Variants in ASCC3 observed in about 807,000 individuals in gnomAD.
ASCC3 encodes the protein activating signal cointegrator 1 complex subunit 3.
A neutral mutation model predicts 256.3 loss-of-function variants in ASCC3; 158 were observed. That is an observed-to-expected ratio of 0.62 (90% CI 0.54 to 0.70). The LOEUF (loss-of-function observed/expected upper bound fraction) is 0.70. Among genes scored for constraint, ASCC3 ranks in the 30% least tolerant of loss-of-function variants. The pLI, the probability that ASCC3 is intolerant of heterozygous loss-of-function variation, is 0.00. For missense variants in ASCC3, 2,259 were observed against 2,626.0 expected (o/e 0.86, Z 3.05); for synonymous variants, 948 against 883.4 (o/e 1.07, Z -1.30).
At chr6:100,568,193 C>A (rs890569944) in intron 36 of ASCC3, among the ~76,000 whole-genome samples, 13 of 151,958 alleles carry the variant, frequency 8.6e-5, no homozygotes, top group Admixed American at 3.3e-4. Flanking sequence ...CATGGTGAAA[C>A]CCCATCTCAA....
At chr6:100,618,120 T>C (rs1047317203) in intron 30 of ASCC3, among the ~76,000 whole-genome samples, 2 of 152,210 alleles carry the variant, frequency 1.3e-5, no homozygotes, top group African/African-American at 4.8e-5. Context: ...AGGACTGCTA[T>C]TTTTATGGAT....
chr6:100,720,529 G>A (rs539344862), intron 11 of ASCC3, among the ~76,000 whole-genome samples: 44 of 151,898 alleles, frequency 2.9e-4, no homozygotes, highest in Admixed American at 1.1e-3. Context: ...GATTAGTTTC[G>A]TTTTTGAAAG....
intron 5 of ASCC3, among the ~76,000 whole-genome samples, chr6:100,803,765 C>G (rs151053452): frequency 6.6e-6 from 1 of 152,200 alleles, no homozygotes; most frequent in East Asian, 1.9e-4. Flanking sequence ...GAAAATCTGT[C>G]AGAAATTTTA....
chr6:100,778,308 A>C (rs1025674870), intron 8 of ASCC3, among the ~76,000 whole-genome samples: 2 of 152,158 alleles, frequency 1.3e-5, no homozygotes, highest in Admixed American at 1.3e-4. Context: ...ATTTTTAAAA[A>C]TTAATTTTCA....
intron 36 of ASCC3, among the ~76,000 whole-genome samples, chr6:100,578,630 G>A (rs1771012210): frequency 6.6e-6 from 1 of 152,000 alleles, no homozygotes; most frequent in Non-Finnish European, 1.5e-5. Flanking sequence ...GTTTTCCATG[G>A]TGTATATGTA....
intron 37 of ASCC3, among the ~76,000 whole-genome samples, chr6:100,534,481 C>T (rs935274285): frequency 6.6e-6 from 1 of 152,182 alleles, no homozygotes; most frequent in African/African-American, 2.4e-5. Flanking sequence ...ATATCACTTA[C>T]TACATTTTAC....
chr6:100,736,120 C>T (rs1582782971), intron 10 of ASCC3, among the ~76,000 whole-genome samples: 2 of 151,958 alleles, frequency 1.3e-5, no homozygotes, highest in African/African-American at 4.8e-5. Flanking sequence ...ATACTTCTTG[C>T]AGGTAATAAT....
intron 29 of ASCC3, among the ~76,000 whole-genome samples, chr6:100,625,906 T>C (rs1355502306): frequency 3.9e-5 from 6 of 152,034 alleles, no homozygotes; most frequent in Admixed American, 3.9e-4. Flanking sequence ...CCCTCCATTT[T>C]TTTTTAAAAG....
chr6:100,536,054 T>C (rs914161294), intron 37 of ASCC3, among the ~76,000 whole-genome samples: 5 of 152,068 alleles, frequency 3.3e-5, no homozygotes, highest in Non-Finnish European at 7.4e-5. Context: ...AAAGTGACTG[T>C]GCGTGTAAAT....
intron 4 of ASCC3, among the ~76,000 whole-genome samples, chr6:100,807,193 T>C (rs1398850353): frequency 6.6e-6 from 1 of 151,918 alleles, no homozygotes; most frequent in Non-Finnish European, 1.5e-5. Context: ...TAATTGAAGT[T>C]AAGAAACTTG....
chr6:100,633,791 T>C (rs1244805873), intron 25 of ASCC3, among the ~76,000 whole-genome samples: 48 of 151,888 alleles, frequency 3.2e-4, no homozygotes, highest in Admixed American at 3.1e-3. Context: ...GAAGAATCGC[T>C]TGAATCCGGG....
intron 36 of ASCC3, among the ~76,000 whole-genome samples, chr6:100,566,402 G>C (rs144608769): frequency 1.3e-5 from 2 of 152,084 alleles, no homozygotes; most frequent in African/African-American, 2.4e-5. Context: ...CCCTTAATAA[G>C]TCCACCATAC....
chr6:100,784,708 C>T (rs1019786839), intron 8 of ASCC3, among the ~76,000 whole-genome samples: 2 of 151,686 alleles, frequency 1.3e-5, no homozygotes, highest in South Asian at 2.1e-4. Flanking sequence ...ACTATAAAGA[C>T]ATTTTCACTT....
intron 17 of ASCC3, among the ~76,000 whole-genome samples, chr6:100,653,173 A>G (rs989038557): frequency 6.6e-6 from 1 of 152,182 alleles, no homozygotes; most frequent in African/African-American, 2.4e-5. Context: ...GATCTTTAAA[A>G]TCACAAAGAT....
intron 7 of ASCC3, 31 bp from the exon 8 acceptor site, chr6:100,798,869 T>C: frequency 6.4e-7 from 1 of 1,564,528 alleles, no homozygotes; most frequent in Non-Finnish European, 8.8e-7. Context: ...AATCCAATAA[T>C]AATAAAAAAT....
Position 100,800,306 on chromosome 6 carries a change from A to T in ASCC3, c.1121T>A (p.Ile374Lys), listed in dbSNP as rs375558896. 1.2e-5 allele frequency: 19 copies of T among 1,612,616 alleles called. No homozygotes were observed. The East Asian group carries it at 1.8e-4, about 15-fold the overall frequency. The change falls in exon 6 of 42, where the codon ATA becomes AAA. Residue 374 changes from isoleucine to lysine, a missense_variant. Ile to Lys is a moderately radical substitution (Grantham distance 102, BLOSUM62 -3). This residue lies in a region of ASCC3 where 1,839 missense variants were observed against 2,206.7 expected (regional missense o/e 0.83). Coordinates refer to ENST00000369162, the MANE Select transcript of ASCC3 (RefSeq NM_006828.4). ...AGCTCCTGGCTTTTATTACCTTTGTATCCGCAATTCCTTAGGATCAAAGCA... is the reference window on the plus strand; with the variant it reads ...AGCTCCTGGCTTTTATTACCTTTGTTTCCGCAATTCCTTAGGATCAAAGCA... ...LMCFDPKELR[I>K]QREQALLNAR...
intron 14 of ASCC3, among the ~76,000 whole-genome samples, chr6:100,675,822 C>T (rs968649065): frequency 6.6e-6 from 1 of 152,114 alleles, no homozygotes; most frequent in African/African-American, 2.4e-5. Flanking sequence ...GGTGGGAATA[C>T]TCAATCCCTA....
intron 34 of ASCC3, among the ~76,000 whole-genome samples, chr6:100,594,093 A>G (rs1772150532): frequency 6.6e-6 from 1 of 152,116 alleles, no homozygotes; most frequent in Non-Finnish European, 1.5e-5. Context: ...CTTTGTCAAC[A>G]CAAGTTTTAC....
Position 100,881,120 on chromosome 6 carries a change from TC to T in ASCC3, c.-102del, listed in dbSNP as rs1562367786. 1 of 152,398 alleles carries T rather than the reference TC, an allele frequency of 6.6e-6. No individual in the cohort carries two copies. The allele number at this position is 152,398 out of a possible 1,614,324, so 9.4% of individuals were successfully genotyped here. A position where few individuals can be genotyped will look rare whatever the true frequency, so the allele number is the denominator to read the frequency against. ...GTCAGCTCCTGCCACCGCGCCTTCT[TC>T]CCTTTCGGTTTTACTTTAACTTCCC... On this transcript the variant is annotated 5_prime_UTR_variant, in exon 1 of 42. Transcript: ENST00000369162.
Sources: gnomAD v4.1 joint callset for allele counts (sites outside exome capture counted in the v4.1 genomes callset) on GRCh38, gnomAD v4.1.1 for gene constraint, gnomAD v4.1.1 regional missense constraint, MANE v1.5 for transcripts, NCBI Gene and HGNC (gene_info 2026-07-23, HGNC 2026-07-21) for gene names.